The following ANGPT1 variants were observed in gnomAD, a reference collection of about 807,000 sequenced individuals.
ANGPT1 encodes angiopoietin-1.
Under a neutral mutation model 62.2 loss-of-function variants are expected in ANGPT1, and 17 were observed. The ratio of observed to expected loss-of-function variants is 0.27; its 90% CI spans 0.19 to 0.41. The LOEUF (loss-of-function observed/expected upper bound fraction) is 0.41. ANGPT1 is among the 10% of genes least tolerant of loss of function. The pLI, the probability that ANGPT1 is intolerant of heterozygous loss-of-function variation, is 1.00. For missense variants in ANGPT1, 478 were observed against 594.9 expected (o/e 0.80, Z 2.04); for synonymous variants, 199 against 198.9 (o/e 1.00, Z 0.00).
chr8:107,275,890 T>C (rs561076722), intron 7 of ANGPT1, among the ~76,000 whole-genome samples: 1 of 152,272 alleles, frequency 6.6e-6, no homozygotes, highest in East Asian at 1.9e-4. Context: ...GTCTTAGCAT[T>C]ACCCATTCTG....
At chr8:107,327,198 A>C (rs1039485621) in intron 3 of ANGPT1, among the ~76,000 whole-genome samples, 15 of 152,086 alleles carry the variant, frequency 9.9e-5, no homozygotes, top group African/African-American at 3.6e-4. Context: ...TCTTCCATTA[A>C]ATTTATGTGT....
intron 3 of ANGPT1, among the ~76,000 whole-genome samples, chr8:107,331,112 G>A (rs928745247): frequency 4.6e-5 from 7 of 152,096 alleles, no homozygotes; most frequent in African/African-American, 1.7e-4. Flanking sequence ...TCAAATGAAA[G>A]ATAGCTTTAA....
At chr8:107,259,461 C>T (rs1813443752) in intron 8 of ANGPT1, among the ~76,000 whole-genome samples, 2 of 152,082 alleles carry the variant, frequency 1.3e-5, no homozygotes, top group South Asian at 4.1e-4. Flanking sequence ...AAGGACTGAA[C>T]TGAAAAATAT....
At chr8:107,417,411 G>C (rs146314661) in intron 1 of ANGPT1, among the ~76,000 whole-genome samples, 6 of 152,186 alleles carry the variant, frequency 3.9e-5, no homozygotes, top group African/African-American at 1.4e-4. Context: ...CTATTATCTG[G>C]AACTCTGAGA....
intron 1 of ANGPT1, among the ~76,000 whole-genome samples, chr8:107,364,727 A>G (rs1398752562): frequency 1.3e-5 from 2 of 152,268 alleles, no homozygotes; most frequent in Non-Finnish European, 2.9e-5. Context: ...TTGCATATAA[A>G]GAAACATCTT....
At chr8:107,429,845 G>A (rs913740170) in intron 1 of ANGPT1, among the ~76,000 whole-genome samples, 1 of 136,488 alleles carries the variant, frequency 7.3e-6, no homozygotes, top group Non-Finnish European at 1.6e-5. Flanking sequence ...TTTTGTTTTA[G>A]GACACTCTGA....
chr8:107,470,528 T>C (rs1220411112), intron 1 of ANGPT1, among the ~76,000 whole-genome samples: 3 of 152,128 alleles, frequency 2.0e-5, no homozygotes, highest in African/African-American at 7.2e-5. Context: ...ATTCTAGATA[T>C]TAGCCCTTTG....
intron 6 of ANGPT1, among the ~76,000 whole-genome samples, chr8:107,289,787 A>G (rs1814231174): frequency 6.6e-6 from 1 of 152,136 alleles, no homozygotes; most frequent in Non-Finnish European, 1.5e-5. Flanking sequence ...CTCAAAATAA[A>G]GCAAGTTTGC....
intron 1 of ANGPT1, among the ~76,000 whole-genome samples, chr8:107,413,771 A>G (rs921342846): frequency 3.9e-5 from 6 of 152,076 alleles, no homozygotes; most frequent in African/African-American, 1.4e-4. Flanking sequence ...CATGTTAAAT[A>G]AAGACAAGAT....
At chr8:107,257,260 A>G in intron 8 of ANGPT1, among the ~76,000 whole-genome samples, 1 of 152,220 alleles carries the variant, frequency 6.6e-6, no homozygotes, top group Non-Finnish European at 1.5e-5. Flanking sequence ...TCTGAGATTC[A>G]TGTTTCCAAT....
intron 3 of ANGPT1, among the ~76,000 whole-genome samples, chr8:107,323,242 G>A (rs907063402): frequency 2.6e-5 from 4 of 152,102 alleles, no homozygotes; most frequent in Non-Finnish European, 4.4e-5. Flanking sequence ...AACATTTTAT[G>A]GAGTGTCTAA....
chr8:107,446,841 C>T lies in ANGPT1; in HGVS notation c.297+50421G>A, dbSNP rs77034602. ...TGAACCCACATCTCTCTCCTAAATT[C>T]CAGACTCAACAATTGTATACTTGAC... On this transcript the variant is annotated intron_variant, in intron 1 of 8. Coordinates refer to ENST00000517746, the MANE Select transcript of ANGPT1 (RefSeq NM_001146.5). Among the ~76,000 whole-genome samples the T allele has an allele frequency of 1.5e-3, 226 of 152,268 alleles. 8 individuals carry two copies. In the East Asian group the frequency reaches 0.042, roughly 28 times the overall value.
At chr8:107,398,388 A>G (rs552511488) in intron 1 of ANGPT1, among the ~76,000 whole-genome samples, 1 of 152,156 alleles carries the variant, frequency 6.6e-6, no homozygotes, top group Non-Finnish European at 1.5e-5. Context: ...TATTATTTCA[A>G]GAAAAGCATG....
chr8:107,277,170 T>G (rs896248972), intron 7 of ANGPT1, among the ~76,000 whole-genome samples: 2 of 152,178 alleles, frequency 1.3e-5, no homozygotes, highest in Non-Finnish European at 2.9e-5. Context: ...GAGAGGCTCA[T>G]GATACCATCT....
At chr8:107,476,972 G>T (rs1812549504) in intron 1 of ANGPT1, among the ~76,000 whole-genome samples, 2 of 151,998 alleles carry the variant, frequency 1.3e-5, no homozygotes, top group African/African-American at 4.8e-5. Context: ...CTTTAAGGAA[G>T]TGTCAGGGCT....
At position 107,323,386 on chromosome 8, in the gene ANGPT1, G is replaced by C. The variant is rs934868696; in HGVS notation, c.576-1258C>G. Among the ~76,000 whole-genome samples, 4 of 152,174 alleles carry C rather than the reference G, an allele frequency of 2.6e-5. No homozygotes were observed. The East Asian group carries it at 7.7e-4, about 29-fold the overall frequency. ...GAATGGGCACTTAATTTACCTTGGA[G>C]AAATACAGCACTGAATCATTCCTTT... is the stretch of plus-strand genomic sequence containing the variant. On this transcript the variant is annotated intron_variant, in intron 3 of 8. Transcript: ENST00000517746.
At chr8:107,364,156 G>A (rs1563587643) in intron 1 of ANGPT1, among the ~76,000 whole-genome samples, 2 of 152,008 alleles carry the variant, frequency 1.3e-5, no homozygotes, top group Non-Finnish European at 1.5e-5. Flanking sequence ...GGCCACCAGT[G>A]GACTTACTCT....
intron 3 of ANGPT1, among the ~76,000 whole-genome samples, chr8:107,327,922 C>T (rs1586227751): frequency 6.6e-6 from 1 of 152,134 alleles, no homozygotes; most frequent in East Asian, 1.9e-4. Context: ...CTGTTTTACA[C>T]TGCCTTCTCC....
At chr8:107,436,446 T>A (rs1811336449) in intron 1 of ANGPT1, among the ~76,000 whole-genome samples, 1 of 152,250 alleles carries the variant, frequency 6.6e-6, no homozygotes, top group African/African-American at 2.4e-5. Flanking sequence ...GTCTATTTGT[T>A]AGCTTAGTTC....
Sources: allele counts gnomAD v4.1 joint callset (sites outside exome capture counted in the v4.1 genomes callset), GRCh38; gene constraint gnomAD v4.1.1; transcripts MANE v1.5; gene names NCBI Gene and HGNC (gene_info 2026-07-23, HGNC 2026-07-21).